The following TMEM163 variants were observed in gnomAD, a reference collection of about 807,000 sequenced individuals.
TMEM163 encodes the protein transmembrane protein 163.
Under a neutral mutation model 29.3 loss-of-function variants are expected in TMEM163, and 17 were observed. The observed-to-expected ratio is 0.58, with a 90% CI of 0.40 to 0.87. The LOEUF is 0.87. TMEM163 is among the 40% of genes least tolerant of loss of function. TMEM163 has a pLI of 0.00. For missense variants in TMEM163, 303 were observed against 381.5 expected (o/e 0.79, Z 1.71); for synonymous variants, 157 against 160.6 (o/e 0.98, Z 0.17).
chr2:134,550,493 G>T, intron 4 of TMEM163, 77 bp downstream of exon 4: 2 of 1,375,274 alleles, frequency 1.5e-6, no homozygotes, highest in Non-Finnish European at 2.1e-6. Context: ...TGCAGGGCAA[G>T]CTGTGTTGAG....
chr2:134,705,208 T>C (rs1308664046), intron 2 of TMEM163, among the ~76,000 whole-genome samples: 2 of 139,218 alleles, frequency 1.4e-5, no homozygotes, highest in East Asian at 2.0e-4. Context: ...AGACTCCATC[T>C]CAAAAAAAAA....
At chr2:134,564,149 G>T (rs553873293) in intron 2 of TMEM163, among the ~76,000 whole-genome samples, 1 of 152,142 alleles carries the variant, frequency 6.6e-6, no homozygotes, top group African/African-American at 2.4e-5. Flanking sequence ...TACCAGATAC[G>T]AAGATTTCAA....
chr2:134,494,786 T>C (rs917679215), intron 5 of TMEM163, among the ~76,000 whole-genome samples: 2 of 152,226 alleles, frequency 1.3e-5, no homozygotes, highest in East Asian at 1.9e-4. Context: ...AGTTAGAGCA[T>C]GGCAGGGTTG....
chr2:134,558,267 G>A (rs1220866215), intron 2 of TMEM163, among the ~76,000 whole-genome samples: 1 of 152,196 alleles, frequency 6.6e-6, no homozygotes, highest in African/African-American at 2.4e-5. Context: ...GCCAGCAAGT[G>A]GAGCACGAGC....
chr2:134,668,252 G>A (rs1683910690), intron 2 of TMEM163, among the ~76,000 whole-genome samples: 1 of 152,090 alleles, frequency 6.6e-6, no homozygotes, highest in Admixed American at 6.5e-5. Context: ...ACCTGTCCTG[G>A]AACAAGCCCA....
At chr2:134,558,834 T>C (rs1209317289) in intron 2 of TMEM163, among the ~76,000 whole-genome samples, 4 of 152,194 alleles carry the variant, frequency 2.6e-5, no homozygotes, top group African/African-American at 9.7e-5. Flanking sequence ...CCAGGCCCCG[T>C]AACACCTCCA....
chr2:134,667,622 C>T (rs1683896540), intron 2 of TMEM163, among the ~76,000 whole-genome samples: 1 of 152,208 alleles, frequency 6.6e-6, no homozygotes, highest in Non-Finnish European at 1.5e-5. Flanking sequence ...CTTATGACAA[C>T]CAAACCTATG....
chr2:134,501,820 C>T (rs1679702926), intron 5 of TMEM163, among the ~76,000 whole-genome samples: 1 of 152,182 alleles, frequency 6.6e-6, no homozygotes, highest in African/African-American at 2.4e-5. Flanking sequence ...TAGGTACATT[C>T]CTATCCCCAT....
chr2:134,634,558 T>C (rs900602838), intron 2 of TMEM163, among the ~76,000 whole-genome samples: 1 of 151,918 alleles, frequency 6.6e-6, no homozygotes, highest in East Asian at 2.0e-4. Flanking sequence ...GGCTGACTGA[T>C]TGGATATGTC....
chr2:134,592,877 T>TAGATAGATAGATAGATAGATAGAC (rs1681970403), intron 2 of TMEM163, among the ~76,000 whole-genome samples: 1 of 151,938 alleles, frequency 6.6e-6, no homozygotes, highest in Non-Finnish European at 1.5e-5. Flanking sequence ...TAGAGATAGA[T>TAGATAGATAGATAGATAGATAGAC]AGATAGATAG....
intron 1 of TMEM163, among the ~76,000 whole-genome samples, chr2:134,714,242 C>A (rs979274535): frequency 6.6e-6 from 1 of 152,202 alleles, no homozygotes; most frequent in Non-Finnish European, 1.5e-5. Flanking sequence ...CACAGTACCA[C>A]ATTTTCAGCC....
chr2:134,497,106 T>C (rs756387939), intron 5 of TMEM163, among the ~76,000 whole-genome samples: 15 of 152,248 alleles, frequency 9.9e-5, no homozygotes, highest in African/African-American at 3.6e-4. Flanking sequence ...TGTGTTCTCA[T>C]GTGATCGTGT....
intron 2 of TMEM163, among the ~76,000 whole-genome samples, chr2:134,625,503 A>C (rs1386341740): frequency 6.6e-6 from 1 of 152,246 alleles, no homozygotes; most frequent in Non-Finnish European, 1.5e-5. Flanking sequence ...GTTCTGAGTC[A>C]GAGTCCGGAA....
At chr2:134,563,933 T>A (rs1467610370) in intron 2 of TMEM163, among the ~76,000 whole-genome samples, 1 of 152,130 alleles carries the variant, frequency 6.6e-6, no homozygotes, top group Non-Finnish European at 1.5e-5. Context: ...GTGTCTGTAG[T>A]CCCAGCTACT....
chr2:134,575,185 G>C (rs144720241), intron 2 of TMEM163, among the ~76,000 whole-genome samples: 1 of 152,122 alleles, frequency 6.6e-6, no homozygotes, highest in African/African-American at 2.4e-5. Context: ...TCGAGAGGAA[G>C]TAAGTGACCA....
intron 1 of TMEM163, among the ~76,000 whole-genome samples, chr2:134,716,629 G>T (rs1256015374): frequency 6.6e-6 from 1 of 152,130 alleles, no homozygotes; most frequent in Admixed American, 6.5e-5. Flanking sequence ...AAGTGCTGGG[G>T]CTTCCTCCTC....
intron 5 of TMEM163, among the ~76,000 whole-genome samples, chr2:134,474,421 C>T (rs1001592061): frequency 7.1e-6 from 1 of 139,904 alleles, no homozygotes; most frequent in African/African-American, 2.9e-5. Context: ...TAGGAAAAAC[C>T]TACAACTAAT....
intron 2 of TMEM163, among the ~76,000 whole-genome samples, chr2:134,698,935 T>C (rs1326137580): frequency 1.3e-5 from 2 of 152,228 alleles, no homozygotes; most frequent in African/African-American, 4.8e-5. Context: ...CCTTATTGGA[T>C]GCATGGCTCC....
intron 2 of TMEM163, among the ~76,000 whole-genome samples, chr2:134,578,249 CA>C (rs1229421184): frequency 6.6e-6 from 1 of 152,118 alleles, no homozygotes; most frequent in African/African-American, 2.4e-5. Flanking sequence ...AAGAAAAGTC[CA>C]CTTACAGATT....
Sources: gnomAD v4.1 joint callset for allele counts (sites outside exome capture counted in the v4.1 genomes callset) on GRCh38, gnomAD v4.1.1 for gene constraint, MANE v1.5 for transcripts, NCBI Gene and HGNC (gene_info 2026-07-23, HGNC 2026-07-21) for gene names.